The following INTS11 variants were observed in gnomAD, a reference collection of about 807,000 sequenced individuals.
INTS11 encodes the protein integrator complex subunit 11, also known as CPSF3-like protein.
In INTS11, 77 loss-of-function variants were observed where a neutral mutation model predicts 78.6. The ratio of observed to expected loss-of-function variants is 0.98; its 90% CI spans 0.81 to 1.18. INTS11 has a LOEUF of 1.18. Among genes scored for constraint, INTS11 ranks in the 50% most tolerant of loss-of-function variants. The pLI is 0.00. For synonymous variants in INTS11, 441 were observed against 326.9 expected, an observed-to-expected ratio of 1.35 and a Z score of -3.77; for missense variants, 875 against 825.9, an observed-to-expected ratio of 1.06 and a Z score of -0.73.
At chr1:1,321,898 T>TGG in intron 1 of INTS11, 1 of 1,141,988 alleles carries the variant, frequency 8.8e-7, no homozygotes, top group Non-Finnish European at 1.2e-6. Context: ...TCCCCTTGAA[T>TGG]CCCACCCACC....
rs1642834808 is a variant in INTS11 at position 1,319,733 on chromosome 1, T to G, written c.201-209A>C. Reference sequence around the variant, plus strand: ...AGCAAGGCAATAAGCAAACGGGAAATTGAACACGTCGGTGACGGCGACATG... The same window carrying G: ...AGCAAGGCAATAAGCAAACGGGAAAGTGAACACGTCGGTGACGGCGACATG... On this transcript the variant is annotated intron_variant, in intron 3 of 16. Transcript: ENST00000435064. 5.2e-6 allele frequency: 3 copies of G among 574,060 alleles called. No homozygotes were observed. The Admixed American group carries it at 9.7e-5, about 19-fold the overall frequency. The allele number at this position is 574,060 out of a possible 1,614,324, so 35.6% of individuals were successfully genotyped here.
At chr1:1,323,492 C>A (rs961318265) in intron 1 of INTS11, among the ~76,000 whole-genome samples, 2 of 152,138 alleles carry the variant, frequency 1.3e-5, no homozygotes, top group Admixed American at 1.3e-4. Flanking sequence ...GCAGCCTCAA[C>A]CTCCTGGGCT....
chr1:1,311,616 T>C lies in INTS11; in HGVS notation c.*243A>G. On this transcript the variant is annotated 3_prime_UTR_variant, in exon 17 of 17. Transcript: ENST00000435064. ...ACCAAGTAGTCTTTTGTTCAGCTTT[T>C]ACTGGAAACTGCTGTCTAGGACCAC... 2 of 713,882 alleles carry C rather than the reference T, an allele frequency of 2.8e-6. No individual in the cohort carries two copies. The highest frequency in any genetic ancestry group is 2.5e-6 in the Non-Finnish European group (1 of 396,310). 44.2% of individuals were successfully genotyped at this position (713,882 alleles called of 1,614,324 possible). A position where few individuals can be genotyped will look rare whatever the true frequency, so the allele number is the denominator to read the frequency against.
Position 1,319,509 on chromosome 1 carries a change from G to A in INTS11, c.216C>T (p.Asp72=). The part of the protein sequence containing the change: ...DCVIISHFHL[D]HCGALPYFSE... ...TGAAGTAGGGGAGTGCCCCGCAGTG[G>A]TCCAGGTGGAAGTGGCTAGGGGGAC... The change falls in exon 4 of 17, where the codon GAC becomes GAT. Residue 72 remains aspartate (D), a synonymous_variant. Coordinates refer to ENST00000435064, the MANE Select transcript of INTS11 (RefSeq NM_017871.6). 1 of 1,583,526 alleles carries A rather than the reference G, an allele frequency of 6.3e-7. No homozygotes were observed.
intron 4 of INTS11, 67 bp from the exon 5 acceptor site, chr1:1,315,685 G>A: frequency 1.2e-6 from 1 of 831,864 alleles, no homozygotes; most frequent in Non-Finnish European, 1.9e-6. Context: ...GAGGGAGGCG[G>A]GGGACGGGAA....
At position 1,313,832 on chromosome 1, in the gene INTS11, G is replaced by A. The variant is rs759699613; in HGVS notation, c.857C>T (p.Thr286Ile). 1.2e-6 allele frequency: 2 copies of A among 1,613,520 alleles called. No individual in the cohort carries two copies. Among genetic ancestry groups the A allele is most frequent in the South Asian group, 1.1e-5 (1 of 91,088 alleles). The change falls in exon 9 of 17, where the codon ACC becomes ATC. Residue 286 changes from threonine to isoleucine, a missense_variant. Transcript: ENST00000435064. ...NHYYKLFIPW[T>I]NQKIRKTFVQ... is the part of the protein sequence containing the mutation. ...GAAAGTCTTGCGGATCTTCTGGTTG[G>A]TCCAGGGGATGAACAGCTTGTAGTA...
In INTS11 at chr1:1,323,341, C is replaced by T. The variant is rs143494780; in HGVS notation, c.28+1240G>A. 2.0e-3 allele frequency: 3,006 copies of T among 1,515,578 alleles called. 39 individuals carry two copies. The African/African-American group carries it at 0.035, about 18-fold the overall frequency. The allele number at this position is 1,515,578 out of a possible 1,614,324, so 93.9% of individuals were successfully genotyped here. A position where few individuals can be genotyped will look rare whatever the true frequency, so the allele number is the denominator to read the frequency against. On this transcript the variant is annotated intron_variant, in intron 1 of 16. Coordinates refer to ENST00000435064, the MANE Select transcript of INTS11 (RefSeq NM_017871.6). ...GACTGGCCACCAACACCATGTCCCT[C>T]CAGCTGTTTCTGAGACCCTGGATTT...
intron 4 of INTS11, chr1:1,318,647 C>CAA (rs372595666): frequency 5.4e-3 from 1,708 of 315,680 alleles, no homozygotes; most frequent in Non-Finnish European, 5.7e-3. Flanking sequence ...GAGACACTGT[C>CAA]AAAAAAAAAA....
At position 1,314,515 on chromosome 1, in the gene INTS11, CCAGAGACAGAAGGGAGCCGTAT is replaced by C. The variant is rs1642452890; in HGVS notation, c.703-172_703-151del. The C allele has an allele frequency of 1.4e-5, 10 of 709,580 alleles. No homozygotes were observed. The South Asian group carries it at 1.9e-4, about 13-fold the overall frequency. The allele number at this position is 709,580 out of a possible 1,614,324, so 44.0% of individuals were successfully genotyped here. ...CTCCCAGTCCCGTCCCAGCCGCTCT[CCAGAGACAGAAGGGAGCCGTAT>C]GAGAGACAGGAGGGAGCCGCATGAG... On this transcript the variant is annotated intron_variant, in intron 7 of 16. Coordinates refer to ENST00000435064, the MANE Select transcript of INTS11 (RefSeq NM_017871.6). This position sits in a 1 kb window ranked among gnomAD's most constrained non-coding sequence, Gnocchi z 4.2.
chr1:1,315,887 C>A (rs560032038), intron 4 of INTS11, among the ~76,000 whole-genome samples: 1 of 152,060 alleles, frequency 6.6e-6, no homozygotes, highest in African/African-American at 2.4e-5. Context: ...TTTTCAGTCC[C>A]TGTTGCTCAC....
rs922552553 is a variant in INTS11 at position 1,314,588 on chromosome 1, CAGA to C, written c.703-226_703-224del. On this transcript the variant is annotated intron_variant, in intron 7 of 16. Transcript: ENST00000435064. The surrounding 1 kb of genome is among the most constrained non-coding windows in gnomAD (Gnocchi z 4.2). ...AGACAGAAGGGAGCTGCATGAGAGACAGAAGGAGCCTGGCCAGGGCTTCGTCCG... is the reference window on the plus strand; with the variant it reads ...AGACAGAAGGGAGCTGCATGAGAGACAGGAGCCTGGCCAGGGCTTCGTCCG... 3.8e-5 allele frequency: 24 copies of C among 634,536 alleles called. No homozygotes were observed. Among genetic ancestry groups the C allele is most frequent in the South Asian group, 6.1e-5 (3 of 49,206 alleles). The allele number at this position is 634,536 out of a possible 1,614,324, so 39.3% of individuals were successfully genotyped here.
chr1:1,311,992 G>A (rs375229767), intron 16 of INTS11, 26 bp downstream of exon 16: 78 of 1,585,322 alleles, frequency 4.9e-5, no homozygotes, highest in Non-Finnish European at 6.3e-5. Context: ...TGTGTTGACC[G>A]CGGTGGGGTG....
chr1:1,322,816 G>C (rs1643031469), intron 1 of INTS11: 1 of 933,250 alleles, frequency 1.1e-6, no homozygotes, highest in Non-Finnish European at 1.3e-6. Flanking sequence ...CAGTGGTCCA[G>C]TGAGCGCGGA....
chr1:1,318,654 A>AT, intron 4 of INTS11: 1 of 451,738 alleles, frequency 2.2e-6, no homozygotes, highest in Non-Finnish European at 3.9e-6. Context: ...TGTCAAAAAA[A>AT]AAAAAAAATT....
Position 1,312,693 on chromosome 1 carries a change from G to A in INTS11, c.1302C>T (p.Asn434=), listed in dbSNP as rs961016784. The A allele has an allele frequency of 4.4e-6, 7 of 1,594,008 alleles. No homozygotes were observed. In the African/African-American group the frequency reaches 8.0e-5, roughly 18 times the overall value. Residue 434 remains asparagine, a synonymous_variant, in exon 13 of 17, where the codon AAC becomes AAT. Coordinates refer to ENST00000435064, the MANE Select transcript of INTS11 (RefSeq NM_017871.6). ...TCTCGCCATTGGCCGGCATGTAGCA[G>A]TTGACCCCTGGACCCCGGGGGAAGA... ...KQKIEQELRV[N]CYMPANGETV... is the part of the protein sequence containing the mutation.
chr1:1,322,109 A>T, intron 1 of INTS11: 1 of 513,526 alleles, frequency 1.9e-6, no homozygotes, highest in Non-Finnish European at 3.2e-6. Flanking sequence ...AAGCCACGCC[A>T]GGCTCACAGA....
At chr1:1,321,877 G>A in intron 1 of INTS11, 2 of 1,315,664 alleles carry the variant, frequency 1.5e-6, no homozygotes, top group East Asian at 3.1e-5. Context: ...TCTGATGGCA[G>A]TGAACAGTTT....
rs373723769 is a variant in INTS11 at position 1,315,414 on chromosome 1, G to C, written c.553C>G (p.Arg185Gly). ...YTGDYNMTPD[R>G]HLGAAWIDKC... The stretch of plus-strand genomic sequence containing the variant: ...CCTCAGCCTACTTACCCTAAGTGTC[G>C]GTCTGGGGTCATGTTATAATCACCC... The change falls in exon 6 of 17, where the codon CGA becomes GGA. Residue 185 changes from arginine (R) to glycine (G), a missense_variant. Coordinates refer to ENST00000435064, the MANE Select transcript of INTS11 (RefSeq NM_017871.6). 5 of 1,613,222 alleles carry C rather than the reference G, an allele frequency of 3.1e-6. No homozygotes were observed. In the Admixed American group the frequency reaches 8.3e-5, roughly 27 times the overall value.
At chr1:1,323,184 A>T (rs1278312131) in intron 1 of INTS11, 5 of 1,550,084 alleles carry the variant, frequency 3.2e-6, no homozygotes. Context: ...CGCTCACGCC[A>T]TGGGGGAGGA....
Sources: allele counts gnomAD v4.1 joint callset (sites outside exome capture counted in the v4.1 genomes callset), GRCh38; gene constraint gnomAD v4.1.1; non-coding constraint Gnocchi (gnomAD v3.1); transcripts MANE v1.5; gene names NCBI Gene and HGNC (gene_info 2026-07-23, HGNC 2026-07-21).